Variants in HS3ST4 observed in about 807,000 individuals in gnomAD.
HS3ST4 encodes heparan sulfate glucosamine 3-O-sulfotransferase 4.
Under a neutral mutation model 29.2 loss-of-function variants are expected in HS3ST4, and 17 were observed. That is an observed-to-expected ratio of 0.58 (90% CI 0.40 to 0.87). HS3ST4 has a LOEUF of 0.87. HS3ST4 is among the 40% of genes least tolerant of loss of function. The pLI is 0.00. For missense variants in HS3ST4, 627 were observed against 634.5 expected (o/e 0.99, Z 0.13); for synonymous variants, 314 against 285.7 (o/e 1.10, Z -1.00).
intron 1 of HS3ST4, among the ~76,000 whole-genome samples, chr16:25,700,395 C>T (rs559999597): frequency 3.3e-5 from 5 of 152,270 alleles, no homozygotes; most frequent in East Asian, 1.9e-4. Context: ...TCTGCAGAAC[C>T]GAAGGCATTT....
At chr16:25,861,967 A>G (rs1209763649) in intron 1 of HS3ST4, among the ~76,000 whole-genome samples, 1 of 151,972 alleles carries the variant, frequency 6.6e-6, no homozygotes, top group Non-Finnish European at 1.5e-5. Flanking sequence ...GTCCCCAACC[A>G]TTTTGGCACT....
At chr16:25,753,501 A>G (rs1375738462) in intron 1 of HS3ST4, among the ~76,000 whole-genome samples, 1 of 151,776 alleles carries the variant, frequency 6.6e-6, no homozygotes, top group Non-Finnish European at 1.5e-5. Flanking sequence ...TTATTCATGC[A>G]TGATTATCTC....
intron 1 of HS3ST4, among the ~76,000 whole-genome samples, chr16:25,820,331 C>T (rs1967137603): frequency 6.6e-6 from 1 of 152,130 alleles, no homozygotes; most frequent in South Asian, 2.1e-4. Context: ...GCTGAAGGAA[C>T]TTGGGCAAGT....
chr16:26,132,397 T>C (rs952310152), intron 1 of HS3ST4, among the ~76,000 whole-genome samples: 1 of 152,208 alleles, frequency 6.6e-6, no homozygotes, highest in African/African-American at 2.4e-5. Flanking sequence ...TCCTAAAGTA[T>C]ATACTTTTCA....
intron 1 of HS3ST4, among the ~76,000 whole-genome samples, chr16:25,877,939 A>G (rs1291086717): frequency 6.6e-6 from 1 of 152,180 alleles, no homozygotes; most frequent in East Asian, 1.9e-4. Flanking sequence ...AGGAGCTTCC[A>G]GTCTGGGTCA....
chr16:25,898,658 A>G (rs1968093664), intron 1 of HS3ST4, among the ~76,000 whole-genome samples: 1 of 152,226 alleles, frequency 6.6e-6, no homozygotes. Context: ...CTATAAGGTC[A>G]CCGGAAGCAT....
chr16:25,899,985 C>T (rs1968106632), intron 1 of HS3ST4, among the ~76,000 whole-genome samples: 1 of 152,204 alleles, frequency 6.6e-6, no homozygotes, highest in African/African-American at 2.4e-5. Flanking sequence ...GGACCAGCAA[C>T]TTTCAAATTC....
chr16:25,843,251 T>A (rs900658742), intron 1 of HS3ST4, among the ~76,000 whole-genome samples: 4 of 152,230 alleles, frequency 2.6e-5, no homozygotes, highest in African/African-American at 9.7e-5. Context: ...GGGTTTACTC[T>A]GCAGACAGAC....
At chr16:25,772,091 C>T (rs778568376) in intron 1 of HS3ST4, among the ~76,000 whole-genome samples, 1 of 152,204 alleles carries the variant, frequency 6.6e-6, no homozygotes, top group African/African-American at 2.4e-5. Context: ...TGAAATAAAA[C>T]TTTATGTACA....
At chr16:25,997,795 A>G (rs1969170213) in intron 1 of HS3ST4, among the ~76,000 whole-genome samples, 1 of 152,188 alleles carries the variant, frequency 6.6e-6, no homozygotes, top group Non-Finnish European at 1.5e-5. Flanking sequence ...TTTGAGACCC[A>G]AGATGGGCTT....
At chr16:25,744,222 G>A (rs1966671881) in intron 1 of HS3ST4, among the ~76,000 whole-genome samples, 1 of 152,196 alleles carries the variant, frequency 6.6e-6, no homozygotes, top group Non-Finnish European at 1.5e-5. Context: ...CTAATATTGA[G>A]TAAAGTGGTT....
intron 1 of HS3ST4, among the ~76,000 whole-genome samples, chr16:25,719,007 G>A (rs546836173): frequency 2.0e-5 from 3 of 152,180 alleles, no homozygotes; most frequent in Non-Finnish European, 4.4e-5. Context: ...AAAAGGGAGG[G>A]AGTGATCAAC....
intron 1 of HS3ST4, among the ~76,000 whole-genome samples, chr16:26,067,508 C>G (rs1028244257): frequency 6.6e-6 from 1 of 152,120 alleles, no homozygotes. Context: ...CACCACCCCC[C>G]ACCCCAGCCA....
At chr16:25,906,642 C>T (rs1968183380) in intron 1 of HS3ST4, among the ~76,000 whole-genome samples, 1 of 152,112 alleles carries the variant, frequency 6.6e-6, no homozygotes, top group Non-Finnish European at 1.5e-5. Flanking sequence ...TGAAAGGAAA[C>T]ATTTATACCT....
intron 1 of HS3ST4, among the ~76,000 whole-genome samples, chr16:25,913,310 C>A (rs113945872): frequency 1.3e-5 from 2 of 152,236 alleles, no homozygotes; most frequent in African/African-American, 4.8e-5. Flanking sequence ...GCTATTAGGT[C>A]ACAAGGGCAG....
At chr16:25,832,204 G>T (rs1967310942) in intron 1 of HS3ST4, among the ~76,000 whole-genome samples, 3 of 152,162 alleles carry the variant, frequency 2.0e-5, no homozygotes, top group South Asian at 2.1e-4. Context: ...CTCCATCAGG[G>T]TCTTGTTCCT....
intron 1 of HS3ST4, among the ~76,000 whole-genome samples, chr16:25,773,100 T>C (rs1162320076): frequency 6.6e-6 from 1 of 152,218 alleles, no homozygotes; most frequent in African/African-American, 2.4e-5. Context: ...TATACATTCC[T>C]CAAGGACTTG....
intron 1 of HS3ST4, among the ~76,000 whole-genome samples, chr16:25,944,160 G>T (rs765558382): frequency 3.3e-5 from 5 of 152,120 alleles, no homozygotes; most frequent in African/African-American, 1.2e-4. Context: ...AGTTCAGCCA[G>T]GTCTGAGTTC....
rs146837891 is a variant in HS3ST4 at position 25,980,000 on chromosome 16, A to G, written c.735-155612A>G. Among the ~76,000 whole-genome samples, 394 of 152,096 alleles carry G rather than the reference A, an allele frequency of 2.6e-3. 3 individuals carry two copies. Among genetic ancestry groups the G allele is most frequent in the Middle Eastern group, 0.014 (4 of 294 alleles). ...TTTCATTGCAACCACTTCGGATCCT[A>G]TCACCTCTCCCTCAGATCATCTCAC... On this transcript the variant is annotated intron_variant, in intron 1 of 1. Coordinates refer to ENST00000331351, the MANE Select transcript of HS3ST4 (RefSeq NM_006040.3).
Sources: allele counts gnomAD v4.1 joint callset (sites outside exome capture counted in the v4.1 genomes callset), GRCh38; gene constraint gnomAD v4.1.1; transcripts MANE v1.5; gene names NCBI Gene and HGNC (gene_info 2026-07-23, HGNC 2026-07-21).